JAZF1: variants seen among roughly 807,000 people sequenced by gnomAD.
The protein encoded by JAZF1 is JAZF zinc finger 1.
Under a neutral mutation model 26.4 loss-of-function variants are expected in JAZF1, and 8 were observed. That is an observed-to-expected ratio of 0.30 (90% CI 0.18 to 0.55). The LOEUF (loss-of-function observed/expected upper bound fraction) is 0.55, where lower values mean the gene tolerates loss of function less well. JAZF1 is among the 20% of genes least tolerant of loss of function. JAZF1 has a pLI of 0.94. For synonymous variants in JAZF1, 126 were observed against 122.3 expected, an observed-to-expected ratio of 1.03 and a Z score of -0.20; for missense variants, 199 against 322.0, an observed-to-expected ratio of 0.62 and a Z score of 2.92.
Position 27,952,873 on chromosome 7 carries a change from A to C in JAZF1, c.188+39036T>G, listed in dbSNP as rs192563917. On this transcript the variant is annotated intron_variant, in intron 2 of 4. Coordinates refer to ENST00000283928, the MANE Select transcript of JAZF1 (RefSeq NM_175061.4). ...AGGGATTTGAAGTCATCTGCTATCA[A>C]TATTCAATAAACAAATCTTACCTAT... 3.1e-3 allele frequency among the ~76,000 whole-genome samples: 468 copies of C among 152,322 alleles called. 2 individuals carry two copies. The highest frequency in any genetic ancestry group is 0.011 in the African/African-American group (452 of 41,582).
rs1212990998 is a variant in JAZF1, at chr7:27,973,361, A to G, written c.188+18548T>C. Reference sequence around the variant, plus strand: ...CACTCTTTTACCCAGGCTAGAGTGCAATTATAGCTCATTGCAATCTTGACC... The same window carrying G: ...CACTCTTTTACCCAGGCTAGAGTGCGATTATAGCTCATTGCAATCTTGACC... On this transcript the variant is annotated intron_variant, in intron 2 of 4. Coordinates refer to ENST00000283928, the MANE Select transcript of JAZF1 (RefSeq NM_175061.4). 3.4e-4 allele frequency among the ~76,000 whole-genome samples: 52 copies of G among 152,022 alleles called. 1 individual carries two copies. The highest frequency in any genetic ancestry group is 3.4e-3 in the Admixed American group (52 of 15,264).
chr7:27,965,213 C>T (rs1006446149), intron 2 of JAZF1, among the ~76,000 whole-genome samples: 1 of 152,128 alleles, frequency 6.6e-6, no homozygotes, highest in Admixed American at 6.5e-5. Context: ...ATTGTACACC[C>T]AACATACTTT....
intron 2 of JAZF1, among the ~76,000 whole-genome samples, chr7:27,988,485 C>T (rs1409733144): frequency 6.6e-6 from 1 of 151,958 alleles, no homozygotes; most frequent in African/African-American, 2.4e-5. Context: ...AACCATCCTC[C>T]CGCTTTAGCC....
intron 1 of JAZF1, among the ~76,000 whole-genome samples, chr7:28,003,767 A>G (rs186343348): frequency 4.3e-4 from 65 of 152,190 alleles, no homozygotes; most frequent in Non-Finnish European, 6.6e-4. Context: ...TGAAACCTAC[A>G]TGCACCGTGA....
intron 2 of JAZF1, among the ~76,000 whole-genome samples, chr7:27,934,329 TGTA>T (rs1784730468): frequency 6.6e-6 from 1 of 152,160 alleles, no homozygotes; most frequent in Non-Finnish European, 1.5e-5. Flanking sequence ...CAAAGCAAGA[TGTA>T]AACCCTCTGA....
chr7:27,953,941 A>T (rs1436224148), intron 2 of JAZF1, among the ~76,000 whole-genome samples: 1 of 152,196 alleles, frequency 6.6e-6, no homozygotes, highest in Non-Finnish European at 1.5e-5. Flanking sequence ...TCAGCATGGC[A>T]GATGAAGGCA....
chr7:27,920,276 A>G (rs892293320), intron 2 of JAZF1, among the ~76,000 whole-genome samples: 4 of 152,202 alleles, frequency 2.6e-5, no homozygotes, highest in South Asian at 4.1e-4. Context: ...ACTGCAGTAA[A>G]TAAGTACAGA....
intron 2 of JAZF1, among the ~76,000 whole-genome samples, chr7:27,914,511 T>C (rs370003530): frequency 6.6e-6 from 1 of 152,178 alleles, no homozygotes; most frequent in Non-Finnish European, 1.5e-5. Flanking sequence ...TAGGTTTATA[T>C]AAATTGTGGC....
At chr7:28,039,102 T>C (rs1783345548) in intron 1 of JAZF1, among the ~76,000 whole-genome samples, 1 of 152,176 alleles carries the variant, frequency 6.6e-6, no homozygotes, top group Admixed American at 6.6e-5. Flanking sequence ...AGATTCATGA[T>C]TGCTCTGCAT....
At chr7:28,151,265 G>A (rs1044342455) in intron 1 of JAZF1, among the ~76,000 whole-genome samples, 3 of 151,164 alleles carry the variant, frequency 2.0e-5, no homozygotes, top group Non-Finnish European at 2.9e-5. Flanking sequence ...CACCACACTC[G>A]GCTAATTTTT....
chr7:27,895,701 T>G lies in JAZF1; in HGVS notation c.189-285A>C, dbSNP rs113967653. ...ATACATCTGCACCCACTGTAATACT[T>G]TCAGTTACAAGACTTCCTCTCTTGG... On this transcript the variant is annotated intron_variant, in intron 2 of 4. Transcript: ENST00000283928. Among the ~76,000 whole-genome samples the G allele has an allele frequency of 4.8e-3, 738 of 152,230 alleles. 8 individuals are homozygous for G. Among genetic ancestry groups the G allele is most frequent in the African/African-American group, 0.017 (706 of 41,538 alleles).
intron 3 of JAZF1, chr7:27,846,507 A>G (rs953092015): frequency 4.2e-6 from 2 of 470,992 alleles, no homozygotes; most frequent in South Asian, 1.5e-5. Flanking sequence ...CTGGGAGAAC[A>G]TGAGAGTGCA....
chr7:28,050,697 A>C (rs1173424700), intron 1 of JAZF1, among the ~76,000 whole-genome samples: 4 of 152,228 alleles, frequency 2.6e-5, no homozygotes, highest in Non-Finnish European at 5.9e-5. Flanking sequence ...ACTTCAAAAG[A>C]ATATGCATTC....
At chr7:28,121,012 C>A (rs1169206863) in intron 1 of JAZF1, among the ~76,000 whole-genome samples, 1 of 151,904 alleles carries the variant, frequency 6.6e-6, no homozygotes, top group Non-Finnish European at 1.5e-5. Context: ...CCAGCCTGGA[C>A]AACATGGCTA....
At chr7:28,095,895 C>T (rs1784375803) in intron 1 of JAZF1, among the ~76,000 whole-genome samples, 2 of 152,226 alleles carry the variant, frequency 1.3e-5, no homozygotes, top group Non-Finnish European at 2.9e-5. Context: ...TAGGCTGGCC[C>T]TCTTGCTGTG....
At chr7:28,139,221 A>C (rs1029632819) in intron 1 of JAZF1, among the ~76,000 whole-genome samples, 1 of 152,192 alleles carries the variant, frequency 6.6e-6, no homozygotes, top group East Asian at 1.9e-4. Context: ...CAAGTTTTTC[A>C]TGGAAACACC....
chr7:27,988,376 T>A (rs997984883), intron 2 of JAZF1, among the ~76,000 whole-genome samples: 1 of 113,978 alleles, frequency 8.8e-6, no homozygotes, highest in Non-Finnish European at 1.9e-5. Context: ...AAATTGTAAA[T>A]TTTTTTTTTT....
intron 1 of JAZF1, among the ~76,000 whole-genome samples, chr7:28,050,384 G>A (rs1264804898): frequency 6.6e-6 from 1 of 152,182 alleles, no homozygotes; most frequent in Non-Finnish European, 1.5e-5. Context: ...TCTTTTGGGG[G>A]TGATGAAAAT....
At chr7:28,069,012 C>T (rs1387412541) in intron 1 of JAZF1, among the ~76,000 whole-genome samples, 1 of 152,184 alleles carries the variant, frequency 6.6e-6, no homozygotes, top group East Asian at 1.9e-4. Context: ...ATGTAATTTA[C>T]TCCATTTCTA....
Sources: allele counts gnomAD v4.1 joint callset (sites outside exome capture counted in the v4.1 genomes callset), GRCh38; gene constraint gnomAD v4.1.1; transcripts MANE v1.5; gene names NCBI Gene and HGNC (gene_info 2026-07-23, HGNC 2026-07-21).